RMND1: variants seen among roughly 807,000 people sequenced by gnomAD.
RMND1 encodes the protein required for meiotic nuclear division 1 homolog.
Under a neutral mutation model 54.0 loss-of-function variants are expected in RMND1, and 41 were observed. The ratio of observed to expected loss-of-function variants is 0.76; its 90% confidence interval spans 0.59 to 0.98. The LOEUF is 0.98. Ranked by LOEUF, RMND1 falls within the 50% of genes least tolerant of loss-of-function variation. The pLI, the probability that RMND1 is intolerant of heterozygous loss-of-function variation, is 0.00. For synonymous variants in RMND1, 183 were observed against 181.7 expected (o/e 1.01, Z -0.06); for missense variants, 457 against 532.0 (o/e 0.86, Z 1.39).
chr6:151,447,274 G>C (rs976118909), intron 1 of RMND1, among the ~76,000 whole-genome samples: 1 of 152,190 alleles, frequency 6.6e-6, no homozygotes, highest in African/African-American at 2.4e-5. Context: ...TACAGGTGGG[G>C]AGAAAGCTGA....
At chr6:151,419,221 T>G (rs949203626) in intron 9 of RMND1, among the ~76,000 whole-genome samples, 4 of 151,620 alleles carry the variant, frequency 2.6e-5, no homozygotes, top group Non-Finnish European at 5.9e-5. Flanking sequence ...CACACCACCA[T>G]TCCTGGCTAA....
rs752200117 is a variant in RMND1, at chr6:151,436,521, C to T, written c.538G>A (p.Asp180Asn). 50 of 1,613,910 alleles carry T rather than the reference C, an allele frequency of 3.1e-5. No individual in the cohort carries two copies. In the East Asian group the frequency reaches 1.1e-3, roughly 35 times the overall value. The change falls in exon 3 of 12, where the codon GAT becomes AAT. Residue 180 changes from aspartate (D) to asparagine (N), a missense_variant. By Grantham distance (23) the Asp-to-Asn change is conservative (BLOSUM62 1). Transcript: ENST00000444024. Reference sequence around the variant, plus strand: ...GACAGATTTCCCAGATGATACTCATCTGCCGTTGCAAATGCTGTGCAGTGC... The same window carrying T: ...GACAGATTTCCCAGATGATACTCATTTGCCGTTGCAAATGCTGTGCAGTGC... The part of the protein sequence containing the change: ...LMHCTAFATA[D>N]EYHLGNLSQD...
intron 9 of RMND1, among the ~76,000 whole-genome samples, chr6:151,419,210 G>A (rs1485773940): frequency 2.0e-5 from 3 of 151,756 alleles, no homozygotes; most frequent in Non-Finnish European, 4.4e-5. Flanking sequence ...GATTACAGGC[G>A]CACACCACCA....
At chr6:151,445,195 T>G in intron 2 of RMND1, 113 bp downstream of exon 2, 4 of 1,070,600 alleles carry the variant, frequency 3.7e-6, no homozygotes, top group Non-Finnish European at 5.3e-6. Flanking sequence ...GATGAAGAAG[T>G]CTGAGTGACT....
chr6:151,423,462 T>C (rs1582951929), intron 7 of RMND1, 63 bp downstream of exon 7: 1 of 1,059,550 alleles, frequency 9.4e-7, no homozygotes, highest in Admixed American at 1.9e-5. Context: ...ATCGTGACTA[T>C]TTAAACTTCC....
chr6:151,423,989 A>T, intron 6 of RMND1, among the ~76,000 whole-genome samples: 1 of 151,940 alleles, frequency 6.6e-6, no homozygotes, highest in Non-Finnish European at 1.5e-5. Flanking sequence ...CTGGGATTAC[A>T]GGCATGCGTA....
rs1779570022 is a variant in RMND1 at position 151,405,245 on chromosome 6, A to G, written c.1340T>C (p.Val447Ala). ...TIEVMFELGR[V>A]FF ...TTGGTTATCACTTGATCAGAAAAAT[A>G]CTCGTCCCAGCTCAAACATTACCTT... Residue 447 changes from valine (V) to alanine (A), a missense_variant, in exon 12 of 12, where the codon GTA becomes GCA. Physicochemically the swap from Val to Ala is moderately conservative, Grantham distance 64. Transcript: ENST00000444024. 1.9e-6 allele frequency: 3 copies of G among 1,612,914 alleles called. No individual in the cohort carries two copies. The highest frequency in any genetic ancestry group is 4.5e-5 in the East Asian group (2 of 44,860).
rs1780619067 is a variant in RMND1 at position 151,436,503 on chromosome 6, T to C, written c.556A>G (p.Asn186Asp). 9 of 1,614,010 alleles carry C rather than the reference T, an allele frequency of 5.6e-6. No homozygotes were observed. The highest frequency in any genetic ancestry group is 7.6e-6 in the Non-Finnish European group (9 of 1,179,886). The change falls in exon 3 of 12, where the codon AAT becomes GAT. Residue 186 changes from asparagine to aspartate, a missense_variant. By Grantham distance (23) the Asn-to-Asp change is conservative. Transcript: ENST00000444024. Reference protein sequence around the residue: ...FATADEYHLGNLSQDLASHGY... With the variant: ...FATADEYHLGDLSQDLASHGY... ...TGGGAGGCCAGATCTTGAGACAGATTTCCCAGATGATACTCATCTGCCGTT... is the reference window on the plus strand; with the variant it reads ...TGGGAGGCCAGATCTTGAGACAGATCTCCCAGATGATACTCATCTGCCGTT...
intron 10 of RMND1, among the ~76,000 whole-genome samples, chr6:151,407,166 GTC>G (rs1779654178): frequency 6.7e-6 from 1 of 148,920 alleles, no homozygotes. Context: ...AAAAAAAACT[GTC>G]TTACTCACAG....
chr6:151,426,145 C>T (rs1447454464), intron 6 of RMND1, among the ~76,000 whole-genome samples: 6 of 152,068 alleles, frequency 3.9e-5, no homozygotes, highest in Admixed American at 2.0e-4. Context: ...GATGGGGTTT[C>T]GCCATGTTGG....
chr6:151,417,227 CTTAT>C (rs1181333333), intron 10 of RMND1, 48 bp downstream of exon 10: 63 of 1,565,154 alleles, frequency 4.0e-5, no homozygotes, highest in Non-Finnish European at 5.2e-5. Flanking sequence ...ACATATTCAA[CTTAT>C]AGGCGACAAC....
intron 2 of RMND1, chr6:151,444,644 T>A (rs1780897976): frequency 1.6e-5 from 2 of 125,292 alleles, no homozygotes; most frequent in East Asian, 2.0e-4. Flanking sequence ...GCATTAAAGA[T>A]CCTCTTATAA....
rs562026072 is a variant in RMND1 at position 151,434,000 on chromosome 6, C to T, written c.614-770G>A. On this transcript the variant is annotated intron_variant, in intron 3 of 11. Transcript: ENST00000444024. ...AGCTTAGACTACAGGCATGTGCCAC[C>T]GCACCTGGCTAAGTTTTTGTTTATG... Among the ~76,000 whole-genome samples, 24 of 149,130 alleles carry T rather than the reference C, an allele frequency of 1.6e-4. No individual in the cohort carries two copies. The East Asian group carries it at 4.1e-3, about 25-fold the overall frequency.
At position 151,421,234 on chromosome 6, in the gene RMND1, A is replaced by G. The variant is rs202163883; in HGVS notation, c.1079+11T>C. The G allele has an allele frequency of 1.9e-6, 3 of 1,564,522 alleles. No individual in the cohort carries two copies. The highest frequency in any genetic ancestry group is 2.6e-6 in the Non-Finnish European group (3 of 1,143,274). ...TATATGAAATATTTTATTTAGAGAG[A>G]AAACTTTTACCTTAGAGCAAAGAGT... On this transcript the variant is annotated intron_variant, in intron 9 of 11. Coordinates refer to ENST00000444024, the MANE Select transcript of RMND1 (RefSeq NM_017909.4).
intron 1 of RMND1, among the ~76,000 whole-genome samples, chr6:151,448,270 T>C (rs544282232): frequency 1.3e-5 from 2 of 152,268 alleles, no homozygotes; most frequent in South Asian, 4.1e-4. Context: ...CTCCTATCTT[T>C]GCATCTCACT....
At chr6:151,431,860 C>A (rs934343004) in intron 4 of RMND1, among the ~76,000 whole-genome samples, 1 of 151,472 alleles carries the variant, frequency 6.6e-6, no homozygotes, top group African/African-American at 2.4e-5. Flanking sequence ...TTAATTTTAT[C>A]TTTTTAAAAA....
At chr6:151,406,814 T>A (rs574658889) in intron 10 of RMND1, among the ~76,000 whole-genome samples, 1 of 152,240 alleles carries the variant, frequency 6.6e-6, no homozygotes, top group African/African-American at 2.4e-5. Flanking sequence ...GTTCAGGGGT[T>A]GATTGGAATG....
chr6:151,450,514 C>T (rs527967356), intron 1 of RMND1, among the ~76,000 whole-genome samples: 4 of 144,390 alleles, frequency 2.8e-5, no homozygotes, highest in South Asian at 2.2e-4. Flanking sequence ...CCAGCCGCCC[C>T]GTCCGGGAGG....
rs914138498 is a variant in RMND1 at position 151,421,599 on chromosome 6, C to T, written c.1003-278G>A. ...TAGTAGAAAAGCAGGGCCTCCTTTC[C>T]GAAGTATAATTAGATTACTCTTTCA... On this transcript the variant is annotated intron_variant, in intron 8 of 11. Coordinates refer to ENST00000444024, the MANE Select transcript of RMND1 (RefSeq NM_017909.4). Among the ~76,000 whole-genome samples the T allele has an allele frequency of 6.6e-5, 10 of 152,090 alleles. No individual in the cohort carries two copies. In the Middle Eastern group the frequency reaches 0.01, roughly 155 times the overall value.
Sources: gnomAD v4.1 joint callset for allele counts (sites outside exome capture counted in the v4.1 genomes callset) on GRCh38, gnomAD v4.1.1 for gene constraint, MANE v1.5 for transcripts, NCBI Gene and HGNC (gene_info 2026-07-23, HGNC 2026-07-21) for gene names.